NEIL3: variants seen among roughly 807,000 people sequenced by gnomAD.
NEIL3 encodes nei like DNA glycosylase 3.
NEIL3 carries 48 observed loss-of-function variants against 57.5 expected under a neutral mutation model. The observed-to-expected ratio is 0.83, with a 90% CI of 0.66 to 1.06. The LOEUF is 1.06. Among genes scored for constraint, NEIL3 ranks in the 50% least tolerant of loss-of-function variants. The probability of loss-of-function intolerance (pLI) is 0.00; values close to 1 mark genes in which losing one functional copy is unlikely to be tolerated. For missense variants in NEIL3, 717 were observed against 739.1 expected (o/e 0.97, Z 0.35); for synonymous variants, 261 against 253.2 (o/e 1.03, Z -0.29).
intron 2 of NEIL3, among the ~76,000 whole-genome samples, chr4:177,333,206 T>G (rs1734914254): frequency 6.6e-6 from 1 of 152,152 alleles, no homozygotes; most frequent in Non-Finnish European, 1.5e-5. Context: ...TAGTTGTCAT[T>G]AATGTGAAAC....
intron 4 of NEIL3, 49 bp downstream of exon 4, chr4:177,336,370 G>A: frequency 6.9e-7 from 1 of 1,450,530 alleles, no homozygotes; most frequent in South Asian, 1.2e-5. Flanking sequence ...TCGGTACTGT[G>A]AAGGAACCAA....
At chr4:177,351,608 G>C in intron 7 of NEIL3, 59 bp downstream of exon 7, 3 of 1,334,090 alleles carry the variant, frequency 2.2e-6, no homozygotes, top group Non-Finnish European at 3.2e-6. Flanking sequence ...ATTATACAAA[G>C]TCAGGAATAT....
chr4:177,335,649 T>C (rs376998397), intron 2 of NEIL3, 39 bp from the exon 3 acceptor site: 17 of 1,589,840 alleles, frequency 1.1e-5, no homozygotes, highest in Non-Finnish European at 1.5e-5. Flanking sequence ...ATAAATGATA[T>C]ACTTTCTGCC....
chr4:177,313,467 T>G (rs1207150485), intron 1 of NEIL3, among the ~76,000 whole-genome samples: 1 of 152,178 alleles, frequency 6.6e-6, no homozygotes, highest in Non-Finnish European at 1.5e-5. Flanking sequence ...CAGCATAAAA[T>G]TGTGCAACAG....
chr4:177,335,074 C>T (rs1476092920), intron 2 of NEIL3, among the ~76,000 whole-genome samples: 2 of 151,930 alleles, frequency 1.3e-5, no homozygotes, highest in African/African-American at 4.8e-5. Context: ...AGGACAATAG[C>T]ATTTTGACTT....
intron 6 of NEIL3, among the ~76,000 whole-genome samples, chr4:177,347,315 G>A (rs1735243644): frequency 6.6e-6 from 1 of 152,204 alleles, no homozygotes; most frequent in Admixed American, 6.5e-5. Flanking sequence ...GGGAATGAGA[G>A]ACAGAGGCAG....
At chr4:177,316,989 T>C (rs1346747709) in intron 1 of NEIL3, among the ~76,000 whole-genome samples, 1 of 152,144 alleles carries the variant, frequency 6.6e-6, no homozygotes, top group Non-Finnish European at 1.5e-5. Context: ...CATCGGGTAT[T>C]AAAAAAGGAA....
downstream of NEIL3, among the ~76,000 whole-genome samples, chr4:177,364,317 G>C (rs1005165051): frequency 6.6e-6 from 1 of 152,164 alleles, no homozygotes; most frequent in Non-Finnish European, 1.5e-5. Context: ...AACTAAAGCA[G>C]GCAGATTCTT....
At chr4:177,366,083 T>C (rs1475107923), downstream of NEIL3, among the ~76,000 whole-genome samples, 1 of 152,182 alleles carries the variant, frequency 6.6e-6, no homozygotes, top group Non-Finnish European at 1.5e-5. Context: ...TAAAGCCAGG[T>C]GGAAATCCAA....
intron 1 of NEIL3, among the ~76,000 whole-genome samples, chr4:177,316,272 G>A (rs1434439128): frequency 6.6e-6 from 1 of 152,128 alleles, no homozygotes; most frequent in Admixed American, 6.5e-5. Context: ...TCTTTTTAGA[G>A]CAACAATTTA....
intron 1 of NEIL3, among the ~76,000 whole-genome samples, chr4:177,321,390 CTTA>C (rs1734681864): frequency 6.6e-6 from 1 of 151,820 alleles, no homozygotes; most frequent in Non-Finnish European, 1.5e-5. Context: ...TTACGCATGT[CTTA>C]AGTTTTACAT....
At chr4:177,366,997 A>T (rs184605364), downstream of NEIL3, among the ~76,000 whole-genome samples, 544 of 152,264 alleles carry the variant, frequency 3.6e-3, 4 homozygotes, top group African/African-American at 0.012. Context: ...TTGGTTTTTT[A>T]AAAATATAAT....
intron 1 of NEIL3, 119 bp from the exon 2 acceptor site, chr4:177,322,337 ATTC>A: frequency 7.9e-7 from 1 of 1,263,352 alleles, no homozygotes; most frequent in Non-Finnish European, 1.1e-6. Flanking sequence ...GTTGGAGATT[ATTC>A]TTCTCATTGG....
intron 2 of NEIL3, among the ~76,000 whole-genome samples, chr4:177,334,756 G>A (rs2048077): frequency 0.037 from 5,698 of 152,206 alleles, 278 homozygotes; most frequent in East Asian, 0.28. Flanking sequence ...ATGGTGCTCC[G>A]CAATTAGAAG....
intron 6 of NEIL3, among the ~76,000 whole-genome samples, chr4:177,349,104 G>T (rs1486303149): frequency 1.4e-5 from 2 of 142,864 alleles, no homozygotes; most frequent in East Asian, 4.1e-4. Flanking sequence ...GGATGGTCTC[G>T]ATCTCCTGAC....
At chr4:177,361,331 G>A (rs1735604462) in intron 9 of NEIL3, among the ~76,000 whole-genome samples, 1 of 152,150 alleles carries the variant, frequency 6.6e-6, no homozygotes, top group South Asian at 2.1e-4. Flanking sequence ...CTAATGTTCA[G>A]AGATACATAT....
At position 177,353,502 on chromosome 4, in the gene NEIL3, C is replaced by G; in HGVS notation, c.1234C>G (p.Leu412Val). 6.2e-7 allele frequency: 1 copy of G among 1,613,682 alleles called. No individual in the cohort carries two copies. The highest frequency in any genetic ancestry group is 8.5e-7 in the Non-Finnish European group (1 of 1,179,722). ...LERKTKQNQI[L>V]DEEFQNSPPA... ...AAGAAAAACAAAGCAAAACCAGATA[C>G]TAGATGAGGAGTTTCAAAACTCTCC... Residue 412 changes from leucine to valine, a missense_variant, in exon 8 of 10, where the codon CTA (leucine) becomes GTA (valine). Leu to Val is a conservative substitution (Grantham distance 32). Transcript: ENST00000264596.
At chr4:177,370,887 C>T in the NEIL3 span, among the ~76,000 whole-genome samples, 2 of 151,074 alleles carry the variant, frequency 1.3e-5, no homozygotes, top group East Asian at 1.9e-4. Context: ...GGCAACAGAG[C>T]GAGACCCTGT....
intron 8 of NEIL3, among the ~76,000 whole-genome samples, chr4:177,356,720 G>A (rs567928032): frequency 6.6e-6 from 1 of 152,080 alleles, no homozygotes; most frequent in Non-Finnish European, 1.5e-5. Context: ...ATGCAGTGTT[G>A]ATGAGGCATA....
Sources: allele counts gnomAD v4.1 joint callset (sites outside exome capture counted in the v4.1 genomes callset), GRCh38; gene constraint gnomAD v4.1.1; transcripts MANE v1.5; gene names NCBI Gene and HGNC (gene_info 2026-07-23, HGNC 2026-07-21).